The following FNDC1 variants were observed in gnomAD, a reference collection of about 807,000 sequenced individuals.
The protein encoded by FNDC1 is fibronectin type III domain-containing protein 1.
A neutral mutation model predicts 168.0 loss-of-function variants in FNDC1; 96 were observed. The observed-to-expected ratio is 0.57, with a 90% CI of 0.48 to 0.68. The LOEUF is 0.68. FNDC1 is among the 30% of genes least tolerant of loss of function. The pLI, the probability that FNDC1 is intolerant of heterozygous loss-of-function variation, is 0.00. For missense variants in FNDC1, 2,587 were observed against 2,482.1 expected (o/e 1.04, Z -0.90); for synonymous variants, 1,099 against 1,025.9 (o/e 1.07, Z -1.36).
At chr6:159,221,365 T>C (rs1199914251) in intron 5 of FNDC1, among the ~76,000 whole-genome samples, 1 of 152,254 alleles carries the variant, frequency 6.6e-6, no homozygotes, top group East Asian at 1.9e-4. Flanking sequence ...CAGGAATTAC[T>C]GGTAAAAAAT....
intron 18 of FNDC1, among the ~76,000 whole-genome samples, chr6:159,259,646 C>A (rs868337368): frequency 2.0e-5 from 3 of 152,186 alleles, no homozygotes; most frequent in Non-Finnish European, 2.9e-5. Context: ...GTATGCCAAA[C>A]CCACTGCTCA....
intron 7 of FNDC1, among the ~76,000 whole-genome samples, chr6:159,224,426 C>T (rs1782908135): frequency 1.3e-5 from 2 of 152,154 alleles, no homozygotes; most frequent in African/African-American, 4.8e-5. Flanking sequence ...TTCAACCTCT[C>T]TGCAACCAAG....
intron 4 of FNDC1, among the ~76,000 whole-genome samples, chr6:159,213,563 T>A (rs1782649365): frequency 6.6e-6 from 1 of 152,132 alleles, no homozygotes; most frequent in South Asian, 2.1e-4. Context: ...TGGGAAGGTC[T>A]CAGGACTGGA....
chr6:159,269,176 G>GTATGTATGTATGTATGTATGTATA (rs1777660431), intron 22 of FNDC1, among the ~76,000 whole-genome samples: 8 of 149,626 alleles, frequency 5.3e-5, no homozygotes, highest in Admixed American at 4.6e-4. Context: ...ATGTATGTAT[G>GTATGTATGTATGTATGTATGTATA]TATGTATCCA....
intron 1 of FNDC1, among the ~76,000 whole-genome samples, chr6:159,182,055 A>C (rs997001308): frequency 1.3e-5 from 2 of 152,184 alleles, no homozygotes; most frequent in Non-Finnish European, 2.9e-5. Flanking sequence ...CAGAATCCAC[A>C]TATGTACCTG....
chr6:159,188,074 A>C (rs1180813951), intron 1 of FNDC1, among the ~76,000 whole-genome samples: 1 of 152,184 alleles, frequency 6.6e-6, no homozygotes, highest in Non-Finnish European at 1.5e-5. Flanking sequence ...GGCGGTTTCC[A>C]ATGGAAAGTA....
chr6:159,193,570 T>G (rs980931622), intron 1 of FNDC1, among the ~76,000 whole-genome samples: 1 of 152,138 alleles, frequency 6.6e-6, no homozygotes, highest in African/African-American at 2.4e-5. Context: ...ATTGGTCAGG[T>G]TGGCCCAGAG....
At chr6:159,190,546 C>T (rs1782113481) in intron 1 of FNDC1, among the ~76,000 whole-genome samples, 1 of 152,188 alleles carries the variant, frequency 6.6e-6, no homozygotes, top group East Asian at 1.9e-4. Context: ...AGTAGTCTGC[C>T]CTGCAGTCTC....
chr6:159,186,563 C>A (rs116110433), intron 1 of FNDC1, among the ~76,000 whole-genome samples: 2,686 of 152,342 alleles, frequency 0.018, 93 homozygotes, highest in African/African-American at 0.062. Flanking sequence ...GGCAGCATGC[C>A]TGGCAGTTGC....
At chr6:159,220,329 G>T (rs912887975) in intron 5 of FNDC1, among the ~76,000 whole-genome samples, 1 of 152,230 alleles carries the variant, frequency 6.6e-6, no homozygotes, top group Non-Finnish European at 1.5e-5. Flanking sequence ...GAAGGAGAGT[G>T]CGTGCTCTCA....
At chr6:159,182,930 A>C (rs1422164845) in intron 1 of FNDC1, among the ~76,000 whole-genome samples, 1 of 152,232 alleles carries the variant, frequency 6.6e-6, no homozygotes, top group Non-Finnish European at 1.5e-5. Flanking sequence ...ATGTTTTCCA[A>C]GATGGAAGGA....
chr6:159,251,773 C>T (rs961466139), intron 17 of FNDC1, among the ~76,000 whole-genome samples: 6 of 152,176 alleles, frequency 3.9e-5, no homozygotes, highest in Non-Finnish European at 8.8e-5. Flanking sequence ...ATCCGCGTCC[C>T]AGATTGATTT....
intron 22 of FNDC1, among the ~76,000 whole-genome samples, chr6:159,268,879 T>C (rs1377027943): frequency 6.6e-6 from 1 of 150,780 alleles, no homozygotes; most frequent in East Asian, 2.0e-4. Flanking sequence ...CTGTCTATCC[T>C]TATATTTATA....
At chr6:159,211,673 A>G (rs770949345) in intron 4 of FNDC1, among the ~76,000 whole-genome samples, 8 of 152,146 alleles carry the variant, frequency 5.3e-5, no homozygotes, top group Non-Finnish European at 1.2e-4. Context: ...TGAATCTAGT[A>G]AGTGAGGGAT....
In FNDC1 at chr6:159,190,168, C is replaced by T. The variant is rs372300107; in HGVS notation, c.110-7263C>T. 5.2e-4 allele frequency among the ~76,000 whole-genome samples: 79 copies of T among 152,318 alleles called. No individual in the cohort carries two copies. In the East Asian group the frequency reaches 0.014, roughly 28 times the overall value. ...CCTCATCCTCGCCCTGAGGGGCAGC[C>T]ACAGCTTGACCATAGGTTGACCGTT... On this transcript the variant is annotated intron_variant, in intron 1 of 22. Transcript: ENST00000297267.
intron 11 of FNDC1, among the ~76,000 whole-genome samples, 192 bp from the exon 12 acceptor site, chr6:159,236,023 A>G (rs999381964): frequency 3.3e-5 from 5 of 152,240 alleles, no homozygotes; most frequent in African/African-American, 1.2e-4. Context: ...CTTAATTGAC[A>G]TTCATATCTG....
chr6:159,236,957 A>T (rs895822861), intron 12 of FNDC1, among the ~76,000 whole-genome samples: 1 of 152,200 alleles, frequency 6.6e-6, no homozygotes, highest in African/African-American at 2.4e-5. Context: ...ATATTCAGGA[A>T]TTTAAAGTAC....
Position 159,193,538 on chromosome 6 carries a change from A to G in FNDC1, c.110-3893A>G, listed in dbSNP as rs146561396. Among the ~76,000 whole-genome samples the G allele has an allele frequency of 8.5e-5, 13 of 152,266 alleles. 1 individual carries two copies. The East Asian group carries it at 2.5e-3, about 29-fold the overall frequency. ...GATGAGGTATGGTGCCCCATCTACT[A>G]TGATGAACAGACCCTGCAGATATTG... On this transcript the variant is annotated intron_variant, in intron 1 of 22. Transcript: ENST00000297267.
chr6:159,243,001 T>C (rs1469652876), intron 14 of FNDC1, among the ~76,000 whole-genome samples: 3 of 152,220 alleles, frequency 2.0e-5, no homozygotes, highest in African/African-American at 7.2e-5. Context: ...TTTGTTTGTT[T>C]GGTTTTGTTC....
Sources: gnomAD v4.1 joint callset for allele counts (sites outside exome capture counted in the v4.1 genomes callset) on GRCh38, gnomAD v4.1.1 for gene constraint, MANE v1.5 for transcripts, NCBI Gene and HGNC (gene_info 2026-07-23, HGNC 2026-07-21) for gene names.